CRMP1: variants seen among roughly 807,000 people sequenced by gnomAD.
The protein encoded by CRMP1 is dihydropyrimidinase-related protein 1.
CRMP1 carries 19 observed loss-of-function variants against 68.3 expected under a neutral mutation model. The ratio of observed to expected loss-of-function variants is 0.28; its 90% confidence interval spans 0.19 to 0.41. CRMP1 has a LOEUF of 0.41. Ranked by LOEUF, CRMP1 falls within the 10% of genes least tolerant of loss-of-function variation. The pLI is 1.00. For missense variants in CRMP1, 791 were observed against 967.4 expected (o/e 0.82, Z 2.42); for synonymous variants, 439 against 399.6 (o/e 1.10, Z -1.18).
At chr4:5,882,471 G>GTAA (rs1256472151) in intron 1 of CRMP1, among the ~76,000 whole-genome samples, 3 of 152,136 alleles carry the variant, frequency 2.0e-5, no homozygotes, top group African/African-American at 7.2e-5. Flanking sequence ...CCATCCCACG[G>GTAA]TAATAATAAT....
rs574591664 is a variant in CRMP1 at position 5,838,419 on chromosome 4, T to C, written c.1310+1103A>G. Among the ~76,000 whole-genome samples the C allele has an allele frequency of 9.2e-5, 14 of 151,552 alleles. No individual in the cohort carries two copies. Among genetic ancestry groups the C allele is most frequent in the South Asian group, 4.2e-4 (2 of 4,788 alleles). ...TGCTTGATCTAATCTAGGTTCTAAA[T>C]GTCTGACAGCAGACTGTGATGGGTA... On this transcript the variant is annotated intron_variant, in intron 9 of 13. Coordinates refer to ENST00000324989, the MANE Select transcript of CRMP1 (RefSeq NM_001014809.3). The surrounding 1 kb of genome is among the most constrained non-coding windows in gnomAD (Gnocchi z 4.9).
rs919437326 is a variant in CRMP1, at chr4:5,858,826, C to T, written c.655+2200G>A. Among the ~76,000 whole-genome samples the T allele has an allele frequency of 1.3e-5, 2 of 152,200 alleles. No homozygotes were observed. The highest frequency in any genetic ancestry group is 6.5e-5 in the Admixed American group (1 of 15,280). ...GCCTCACAGGATGTCATCCCTCAAT[C>T]TCGACACCCCTGCACCGTGGGCCTC... On this transcript the variant is annotated intron_variant, in intron 3 of 13. Transcript: ENST00000324989. This position sits in a 1 kb window ranked among gnomAD's most constrained non-coding sequence, Gnocchi z 5.5.
chr4:5,892,846 C>T lies in CRMP1; in HGVS notation c.124G>A (p.Ala42Thr). ...YGGMFAAVEGAYENKTIDFDA... is the reference protein window; with the variant it reads ...YGGMFAAVEGTYENKTIDFDA... ...AAGTCGATGGTCTTGTTCTCGTAGGCGCCCTCCACCGCGGCGAACATGCCG... is the reference window on the plus strand; with the variant it reads ...AAGTCGATGGTCTTGTTCTCGTAGGTGCCCTCCACCGCGGCGAACATGCCG... The change falls in exon 1 of 14, where the codon GCC becomes ACC. Residue 42 changes from alanine to threonine, a missense_variant. Ala to Thr is a moderately conservative substitution (Grantham distance 58, BLOSUM62 0). Around this residue, in one of 3 missense-constraint regions of CRMP1, gnomAD observed 193 missense variants for 186.3 expected, o/e 1.04. Coordinates refer to ENST00000324989, the MANE Select transcript of CRMP1 (RefSeq NM_001014809.3). This position sits in a 1 kb window ranked among gnomAD's most constrained non-coding sequence, Gnocchi z 8.6. The T allele has an allele frequency of 2.8e-6, 4 of 1,415,872 alleles. No homozygotes were observed. Among genetic ancestry groups the T allele is most frequent in the Non-Finnish European group, 9.3e-7 (1 of 1,073,832 alleles). 87.7% of individuals were successfully genotyped at this position (1,415,872 alleles called of 1,614,324 possible).
chr4:5,845,117 G>A (rs1712094299), intron 6 of CRMP1, among the ~76,000 whole-genome samples: 2 of 152,204 alleles, frequency 1.3e-5, no homozygotes, highest in African/African-American at 4.8e-5. Context: ...TGTGCTGTAT[G>A]CTTCCATTTT....
chr4:5,828,384 G>A (rs1484480047), intron 12 of CRMP1, 105 bp downstream of exon 12: 1 of 1,464,818 alleles, frequency 6.8e-7, no homozygotes, highest in Non-Finnish European at 9.0e-7. Flanking sequence ...GAGGTTCCCA[G>A]GGCGATGACA....
chr4:5,825,920 G>A lies in CRMP1; in HGVS notation c.1804-261C>T, dbSNP rs193220214. On this transcript the variant is annotated intron_variant, in intron 12 of 13. Coordinates refer to ENST00000324989, the MANE Select transcript of CRMP1 (RefSeq NM_001014809.3). This position sits in a 1 kb window ranked among gnomAD's most constrained non-coding sequence, Gnocchi z 4.4. ...ATACAGACGCACACACCACGCACAC[G>A]CACTCACATACATGCAGTCATGCAC... 2.3e-4 allele frequency: 112 copies of A among 491,896 alleles called. No individual in the cohort carries two copies. In the Middle Eastern group the frequency reaches 2.6e-3, roughly 11 times the overall value. 30.5% of individuals were successfully genotyped at this position (491,896 alleles called of 1,614,324 possible).
At position 5,865,092 on chromosome 4, in the gene CRMP1, A is replaced by G. The variant is rs6838020; in HGVS notation, c.470+1576T>C. 0.71 allele frequency among the ~76,000 whole-genome samples: 107,604 copies of G among 151,482 alleles called. 38,588 individuals carry two copies. The highest frequency in any genetic ancestry group is 0.79 in the East Asian group (4,015 of 5,086). ...AGCCTCCTCCTCCTCCTCCATCATC[A>G]TCTCCAAAGCCCACACGGGCCCCAG... On this transcript the variant is annotated intron_variant, in intron 2 of 13. Transcript: ENST00000324989. This position sits in a 1 kb window ranked among gnomAD's most constrained non-coding sequence, Gnocchi z 4.1.
chr4:5,885,846 G>C (rs1715547867), intron 1 of CRMP1, among the ~76,000 whole-genome samples: 1 of 148,338 alleles, frequency 6.7e-6, no homozygotes, highest in Non-Finnish European at 1.5e-5. Context: ...CATTTGACAA[G>C]TTAATGCAAA....
chr4:5,839,686 G>A lies in CRMP1; in HGVS notation c.1154-8C>T. On this transcript the variant is annotated splice_polypyrimidine_tract_variant and splice_region_variant and intron_variant, in intron 8 of 13. Coordinates refer to ENST00000324989, the MANE Select transcript of CRMP1 (RefSeq NM_001014809.3). ...CTCCAAAAACTAGGGGCCCTTAGGA[G>A]GGGAAAACATAAGCCTGGTTAAAAG... 6.4e-7 allele frequency: 1 copy of A among 1,567,422 alleles called. No individual in the cohort carries two copies. The highest frequency in any genetic ancestry group is 8.6e-7 in the Non-Finnish European group (1 of 1,166,128).
rs1369162142 is a variant in CRMP1, at chr4:5,891,651, T to G, written c.381+938A>C. On this transcript the variant is annotated intron_variant, in intron 1 of 13. Coordinates refer to ENST00000324989, the MANE Select transcript of CRMP1 (RefSeq NM_001014809.3). The surrounding 1 kb of genome is among the most constrained non-coding windows in gnomAD (Gnocchi z 5.2). ...CTAGCAGTTCTCCGGCATCCAGGTC[T>G]GGACCAATTCGAAAGCTCCCCAGCC... 1.3e-5 allele frequency among the ~76,000 whole-genome samples: 2 copies of G among 152,206 alleles called. No individual in the cohort carries two copies. The highest frequency in any genetic ancestry group is 6.5e-5 in the Admixed American group (1 of 15,284).
At chr4:5,828,042 G>T in intron 12 of CRMP1, 3 of 985,398 alleles carry the variant, frequency 3.0e-6, no homozygotes, top group Non-Finnish European at 3.6e-6. Context: ...AGGAAGCCCT[G>T]CCTGCAAGAT....
chr4:5,858,978 C>T lies in CRMP1; in HGVS notation c.655+2048G>A, dbSNP rs1331052200. ...TTAATTCCAACTCATCCTTCAGATC[C>T]CTGTACGAATGTCACTTCTTCAGAG... On this transcript the variant is annotated intron_variant, in intron 3 of 13. Coordinates refer to ENST00000324989, the MANE Select transcript of CRMP1 (RefSeq NM_001014809.3). This position sits in a 1 kb window ranked among gnomAD's most constrained non-coding sequence, Gnocchi z 5.5. Among the ~76,000 whole-genome samples, 1 of 152,208 alleles carries T rather than the reference C, an allele frequency of 6.6e-6. No individual in the cohort carries two copies. Among genetic ancestry groups the T allele is most frequent in the Non-Finnish European group, 1.5e-5 (1 of 68,036 alleles).
rs1715948332 is a variant in CRMP1, at chr4:5,891,489, T to C, written c.381+1100A>G. Among the ~76,000 whole-genome samples the C allele has an allele frequency of 6.6e-6, 1 of 152,236 alleles. No individual in the cohort carries two copies. Among genetic ancestry groups the C allele is most frequent in the African/African-American group, 2.4e-5 (1 of 41,470 alleles). On this transcript the variant is annotated intron_variant, in intron 1 of 13. Transcript: ENST00000324989. This position sits in a 1 kb window ranked among gnomAD's most constrained non-coding sequence, Gnocchi z 5.2. Reference sequence around the variant, plus strand: ...AATAAAAGTCAACAACAAACATTTATTGAATGCTCACTACCGACCGGCATT... The same window carrying C: ...AATAAAAGTCAACAACAAACATTTACTGAATGCTCACTACCGACCGGCATT...
In CRMP1 at chr4:5,842,637, C is replaced by G. The variant is rs34613066; in HGVS notation, c.1032+456G>C. Among the ~76,000 whole-genome samples, 13 of 150,948 alleles carry G rather than the reference C, an allele frequency of 8.6e-5. No individual in the cohort carries two copies. Among genetic ancestry groups the G allele is most frequent in the African/African-American group, 2.9e-4 (12 of 40,912 alleles). ...ACACACTCACTCACACACACACACA[C>G]GCACTGTCTCTCTCACACACACACA... On this transcript the variant is annotated intron_variant, in intron 7 of 13. Transcript: ENST00000324989. The surrounding 1 kb of genome is among the most constrained non-coding windows in gnomAD (Gnocchi z 4.5).
chr4:5,824,326 T>C, intron 13 of CRMP1: 1 of 985,346 alleles, frequency 1.0e-6, no homozygotes, highest in Non-Finnish European at 1.2e-6. Context: ...TGTGCAAAAA[T>C]ATGAAACACT....
In CRMP1 at chr4:5,891,988, G is replaced by A. The variant is rs1430707040; in HGVS notation, c.381+601C>T. ...TTGAATCTACTGGCGCTTGAGGGTA[G>A]GGGTTTACGGCTCCAACTGCCCGAC... On this transcript the variant is annotated intron_variant, in intron 1 of 13. Transcript: ENST00000324989. This position sits in a 1 kb window ranked among gnomAD's most constrained non-coding sequence, Gnocchi z 5.2. 6.6e-6 allele frequency among the ~76,000 whole-genome samples: 1 copy of A among 152,176 alleles called. No homozygotes were observed. The highest frequency in any genetic ancestry group is 1.5e-5 in the Non-Finnish European group (1 of 68,046).
rs374023452 is a variant in CRMP1, at chr4:5,888,287, G to A, written c.381+4302C>T. 6 of 1,267,018 alleles carry A rather than the reference G, an allele frequency of 4.7e-6. No homozygotes were observed. Among genetic ancestry groups the A allele is most frequent in the South Asian group, 3.4e-5 (1 of 29,158 alleles). 78.5% of individuals were successfully genotyped at this position (1,267,018 alleles called of 1,614,324 possible). A position where few individuals can be genotyped will look rare whatever the true frequency, so the allele number is the denominator to read the frequency against. On this transcript the variant is annotated intron_variant, in intron 1 of 13. Coordinates refer to ENST00000324989, the MANE Select transcript of CRMP1 (RefSeq NM_001014809.3). The surrounding 1 kb of genome is among the most constrained non-coding windows in gnomAD (Gnocchi z 6.4). ...GACATGGCCCCCTCTGGCGCCCTCGGCCCGGCCGCTGACCTGCGGGGCTGT... is the reference window on the plus strand; with the variant it reads ...GACATGGCCCCCTCTGGCGCCCTCGACCCGGCCGCTGACCTGCGGGGCTGT...
chr4:5,839,427 A>G (rs1409182152), intron 9 of CRMP1, 95 bp downstream of exon 9: 9 of 1,456,834 alleles, frequency 6.2e-6, no homozygotes, highest in Non-Finnish European at 7.4e-6. Context: ...CTCTACAATC[A>G]TGAGTCCAAA....
At chr4:5,871,208 A>C (rs908481855) in intron 1 of CRMP1, among the ~76,000 whole-genome samples, 12 of 152,344 alleles carry the variant, frequency 7.9e-5, no homozygotes, top group African/African-American at 2.6e-4. Context: ...CAGGAAGCCA[A>C]GCACTGATTC....
Sources: gnomAD v4.1 joint callset for allele counts (sites outside exome capture counted in the v4.1 genomes callset) on GRCh38, gnomAD v4.1.1 for gene constraint, gnomAD v4.1.1 regional missense constraint, Gnocchi (gnomAD v3.1) non-coding constraint, MANE v1.5 for transcripts, NCBI Gene and HGNC (gene_info 2026-07-23, HGNC 2026-07-21) for gene names.